ALDH1A2: variants seen among roughly 807,000 people sequenced by gnomAD.
ALDH1A2 encodes aldehyde dehydrogenase 1 family member A2, also known as retinal dehydrogenase 2.
Under a neutral mutation model 60.3 loss-of-function variants are expected in ALDH1A2, and 27 were observed. That is an observed-to-expected ratio of 0.45 (90% CI 0.33 to 0.62). The LOEUF is 0.62. Among genes scored for constraint, ALDH1A2 ranks in the 20% least tolerant of loss-of-function variants. The pLI is 0.02. For synonymous variants in ALDH1A2, 289 were observed against 232.4 expected, an observed-to-expected ratio of 1.24 and a Z score of -2.21; for missense variants, 581 against 643.8, an observed-to-expected ratio of 0.90 and a Z score of 1.06.
intron 7 of ALDH1A2, chr15:57,979,968 C>T (rs114213874): frequency 6.0e-4 from 210 of 351,288 alleles, no homozygotes; most frequent in African/African-American, 4.1e-3. Flanking sequence ...TGTGCTGCCG[C>T]GTCCCAGGAG....
chr15:58,011,204 C>T (rs1333463641), intron 3 of ALDH1A2, among the ~76,000 whole-genome samples: 1 of 152,110 alleles, frequency 6.6e-6, no homozygotes, highest in Non-Finnish European at 1.5e-5. Flanking sequence ...AAAGTGTTCT[C>T]CACAGCTGCC....
chr15:57,968,549 C>T (rs2140457913), intron 7 of ALDH1A2, among the ~76,000 whole-genome samples: 1 of 152,352 alleles, frequency 6.6e-6, no homozygotes, highest in East Asian at 1.9e-4. Context: ...AAAATCTTAT[C>T]CCTGCACTCC....
chr15:58,047,241 T>G (rs967701403), intron 1 of ALDH1A2, among the ~76,000 whole-genome samples: 17 of 151,702 alleles, frequency 1.1e-4, no homozygotes, highest in African/African-American at 4.1e-4. Context: ...AAACGTTTTG[T>G]TTTTTTAATA....
intron 12 of ALDH1A2, among the ~76,000 whole-genome samples, chr15:57,958,513 G>C (rs1432456511): frequency 6.6e-6 from 1 of 152,210 alleles, no homozygotes; most frequent in African/African-American, 2.4e-5. Context: ...ACAGCTCTCT[G>C]TGGGGAGACC....
intron 1 of ALDH1A2, among the ~76,000 whole-genome samples, chr15:58,026,907 C>A (rs941218385): frequency 3.3e-5 from 5 of 152,178 alleles, no homozygotes; most frequent in African/African-American, 1.2e-4. Context: ...CTCAGCAAGC[C>A]CTACTGCCTC....
intron 7 of ALDH1A2, among the ~76,000 whole-genome samples, chr15:57,985,593 G>A (rs1894671049): frequency 6.6e-6 from 1 of 152,144 alleles, no homozygotes; most frequent in East Asian, 1.9e-4. Flanking sequence ...TTAAAGCAGG[G>A]GAGGGTTCTA....
intron 1 of ALDH1A2, among the ~76,000 whole-genome samples, chr15:58,023,086 A>T (rs1368748648): frequency 1.3e-5 from 2 of 152,206 alleles, no homozygotes. Context: ...TTCTGAACAT[A>T]AAAAATCAGA....
Position 58,059,809 on chromosome 15 carries a change from G to A in ALDH1A2, c.117+5725C>T, listed in dbSNP as rs558061138. Among the ~76,000 whole-genome samples the A allele has an allele frequency of 5.9e-5, 9 of 152,194 alleles. No homozygotes were observed. The South Asian group carries it at 1.9e-3, about 32-fold the overall frequency. ...GTAAAAACGCAGTGTAAATATATAAGGAGGATTCCATAGCTACCCAGAATA... is the reference window on the plus strand; with the variant it reads ...GTAAAAACGCAGTGTAAATATATAAAGAGGATTCCATAGCTACCCAGAATA... On this transcript the variant is annotated intron_variant, in intron 1 of 12. Coordinates refer to ENST00000249750, the MANE Select transcript of ALDH1A2 (RefSeq NM_003888.4).
intron 11 of ALDH1A2, 138 bp downstream of exon 11, chr15:57,960,999 C>T: frequency 7.5e-7 from 1 of 1,333,566 alleles, no homozygotes; most frequent in Non-Finnish European, 1.1e-6. Flanking sequence ...TGGATCTAAG[C>T]AGTAAGGAGT....
intron 1 of ALDH1A2, among the ~76,000 whole-genome samples, chr15:58,033,149 G>A (rs1290684310): frequency 6.6e-6 from 1 of 151,942 alleles, no homozygotes; most frequent in Non-Finnish European, 1.5e-5. Context: ...GTACTTAAGT[G>A]ATGGACACCT....
Position 58,014,218 on chromosome 15 carries a change from C to T in ALDH1A2, c.181G>A (p.Ala61Thr). 6.2e-7 allele frequency: 1 copy of T among 1,614,094 alleles called. No individual in the cohort carries two copies. The highest frequency in any genetic ancestry group is 8.5e-7 in the Non-Finnish European group (1 of 1,179,978). Reference protein sequence around the residue: ...SGRVFPVYNPATGEQVCEVQE... With the variant: ...SGRVFPVYNPTTGEQVCEVQE... ...ACTTCACACACCTGTTCTCCTGTGG[C>T]TGGATTATAGACAGGGAACACTCTC... The change falls in exon 2 of 13, where the codon GCC (alanine) becomes ACC (threonine). Residue 61 changes from alanine to threonine, a missense_variant. Coordinates refer to ENST00000249750, the MANE Select transcript of ALDH1A2 (RefSeq NM_003888.4).
chr15:58,037,711 A>T (rs146089450), intron 1 of ALDH1A2, among the ~76,000 whole-genome samples: 1 of 151,840 alleles, frequency 6.6e-6, no homozygotes, highest in East Asian at 1.9e-4. Context: ...AAGAAATTGT[A>T]CTGTCTGGAA....
intron 1 of ALDH1A2, among the ~76,000 whole-genome samples, chr15:58,022,276 C>T (rs1419781760): frequency 6.6e-6 from 1 of 152,124 alleles, no homozygotes; most frequent in Non-Finnish European, 1.5e-5. Flanking sequence ...GGTACCTGAA[C>T]ATTCCGTACA....
chr15:57,983,720 C>T (rs1894595834), intron 7 of ALDH1A2, among the ~76,000 whole-genome samples: 1 of 152,126 alleles, frequency 6.6e-6, no homozygotes, highest in Non-Finnish European at 1.5e-5. Flanking sequence ...TCTCTCCATG[C>T]TCCCATAACA....
chr15:57,957,208 G>A (rs1378568746), intron 12 of ALDH1A2, among the ~76,000 whole-genome samples: 1 of 152,152 alleles, frequency 6.6e-6, no homozygotes, highest in Non-Finnish European at 1.5e-5. Flanking sequence ...AACCAGCTAA[G>A]GGATGCCAGC....
intron 7 of ALDH1A2, among the ~76,000 whole-genome samples, chr15:57,989,192 C>T (rs1894811826): frequency 6.6e-6 from 1 of 152,078 alleles, no homozygotes; most frequent in African/African-American, 2.4e-5. Context: ...TGGAAGAAAA[C>T]ATTAAATGCT....
intron 5 of ALDH1A2, among the ~76,000 whole-genome samples, chr15:57,993,338 ACTT>A (rs1894956406): frequency 6.6e-6 from 1 of 152,140 alleles, no homozygotes; most frequent in Non-Finnish European, 1.5e-5. Flanking sequence ...GAGTTTTGTT[ACTT>A]CTTTGTTTTG....
intron 1 of ALDH1A2, among the ~76,000 whole-genome samples, chr15:58,027,800 T>A (rs1896119650): frequency 6.6e-6 from 1 of 152,000 alleles, no homozygotes; most frequent in Non-Finnish European, 1.5e-5. Flanking sequence ...AGGCTATCAG[T>A]GATTGAAGAT....
chr15:58,042,095 C>T (rs1896531850), intron 1 of ALDH1A2, among the ~76,000 whole-genome samples: 1 of 151,910 alleles, frequency 6.6e-6, no homozygotes, highest in Admixed American at 6.6e-5. Context: ...TCCCAACCCC[C>T]TCTCAAATCC....
Sources: gnomAD v4.1 joint callset for allele counts (sites outside exome capture counted in the v4.1 genomes callset) on GRCh38, gnomAD v4.1.1 for gene constraint, MANE v1.5 for transcripts, NCBI Gene and HGNC (gene_info 2026-07-23, HGNC 2026-07-21) for gene names.